Variants in ROBO1 observed in about 807,000 individuals in gnomAD.
The protein encoded by ROBO1 is roundabout homolog 1.
In ROBO1, 149 loss-of-function variants were observed where a neutral mutation model predicts 195.9. The ratio of observed to expected loss-of-function variants is 0.76; its 90% CI spans 0.67 to 0.87. ROBO1 has a LOEUF of 0.87. ROBO1 is among the 40% of genes least tolerant of loss of function. ROBO1 has a pLI of 0.00. For synonymous variants in ROBO1, 816 were observed against 733.2 expected (o/e 1.11, Z -1.82); for missense variants, 1,933 against 2,068.3 (o/e 0.93, Z 1.27).
chr3:78,782,194 CT>C (rs113180244), intron 4 of ROBO1, among the ~76,000 whole-genome samples: 18 of 149,390 alleles, frequency 1.2e-4, no homozygotes, highest in East Asian at 3.9e-4. Flanking sequence ...AGTTGAAATT[CT>C]TTTTTTTTTC....
In ROBO1 at chr3:79,003,744, C is replaced by T. The variant is rs1049633138; in HGVS notation, c.173-64817G>A. On this transcript the variant is annotated intron_variant, in intron 3 of 30. Transcript: ENST00000464233. The stretch of plus-strand genomic sequence containing the variant: ...GATTTCAAACCTAGGTATTTTAACC[C>T]GGAAGCCTTATAACCTATGCTCTAC... 3.3e-5 allele frequency among the ~76,000 whole-genome samples: 5 copies of T among 152,170 alleles called. No homozygotes were observed. The East Asian group carries it at 5.8e-4, about 18-fold the overall frequency.
Position 79,089,940 on chromosome 3 carries a change from T to TTTC in ROBO1, c.172+35515_172+35516insGAA, listed in dbSNP as rs1553680599. ...ATATATATCATCCAGTTATTCTTTC[T>TTTC]TTTTTTTTTTTTTTTTTAAGACGGA... On this transcript the variant is annotated intron_variant, in intron 3 of 30. Transcript: ENST00000464233. Among the ~76,000 whole-genome samples the TTTC allele has an allele frequency of 7.7e-3, 22 of 2,854 alleles. 1 individual carries two copies. Among genetic ancestry groups the TTTC allele is most frequent in the African/African-American group, 0.022 (21 of 954 alleles). 1.9% of individuals were successfully genotyped at this position (2,854 alleles called of 152,430 possible).
At chr3:78,839,572 T>C (rs2033029329) in intron 4 of ROBO1, among the ~76,000 whole-genome samples, 1 of 152,064 alleles carries the variant, frequency 6.6e-6, no homozygotes, top group Non-Finnish European at 1.5e-5. Context: ...CATTAAATAA[T>C]TTTCTAAAAC....
At chr3:79,661,157 A>G (rs1413562761) in intron 1 of ROBO1, among the ~76,000 whole-genome samples, 1 of 152,064 alleles carries the variant, frequency 6.6e-6, no homozygotes. Context: ...CTGTCAGCAG[A>G]CAGCTTTCAG....
chr3:79,350,762 A>G (rs375724573), intron 2 of ROBO1, among the ~76,000 whole-genome samples: 6 of 152,172 alleles, frequency 3.9e-5, no homozygotes, highest in Non-Finnish European at 5.9e-5. Context: ...AAAGTAGATT[A>G]GTGTATTTTT....
chr3:79,080,463 C>A (rs1052759851), intron 3 of ROBO1, among the ~76,000 whole-genome samples: 13 of 151,874 alleles, frequency 8.6e-5, no homozygotes, highest in Admixed American at 7.2e-4. Context: ...ACATTAGATT[C>A]TTTCAATTAA....
intron 2 of ROBO1, among the ~76,000 whole-genome samples, chr3:79,516,621 T>C (rs76303804): frequency 0.025 from 3,767 of 152,294 alleles, 151 homozygotes; most frequent in African/African-American, 0.086. Flanking sequence ...TAGTATATTA[T>C]ACATATTATT....
chr3:78,739,871 T>C (rs901939788), intron 5 of ROBO1, among the ~76,000 whole-genome samples: 1 of 152,140 alleles, frequency 6.6e-6, no homozygotes, highest in Non-Finnish European at 1.5e-5. Flanking sequence ...TAAGAGATAC[T>C]GTCATCCTGA....
In ROBO1 at chr3:79,536,663, CAA is replaced by C. The variant is rs542875131; in HGVS notation, c.88+53159_88+53160del. 4.6e-4 allele frequency among the ~76,000 whole-genome samples: 66 copies of C among 143,406 alleles called. 1 individual carries two copies. The highest frequency in any genetic ancestry group is 3.6e-3 in the Admixed American group (54 of 14,886). 94.1% of individuals were successfully genotyped at this position (143,406 alleles called of 152,430 possible). The stretch of plus-strand genomic sequence containing the variant: ...ATCTATATTAGTGATATTCATGAAA[CAA>C]TATCAATAATCAACAAATTTGATAT... On this transcript the variant is annotated intron_variant, in intron 2 of 30. Transcript: ENST00000464233.
chr3:78,652,613 A>G (rs974903653), intron 18 of ROBO1, among the ~76,000 whole-genome samples: 2 of 152,218 alleles, frequency 1.3e-5, no homozygotes, highest in African/African-American at 4.8e-5. Context: ...TACCATTGAA[A>G]GAGCCATGAA....
chr3:78,797,980 C>T (rs1002753388), intron 4 of ROBO1, among the ~76,000 whole-genome samples: 18 of 152,060 alleles, frequency 1.2e-4, no homozygotes, highest in Admixed American at 1.0e-3. Context: ...CTTTTTCCCT[C>T]CATAAAGGTA....
At chr3:78,685,271 T>C (rs934108841) in intron 10 of ROBO1, among the ~76,000 whole-genome samples, 4 of 152,162 alleles carry the variant, frequency 2.6e-5, no homozygotes, top group Non-Finnish European at 5.9e-5. Flanking sequence ...GTCCTTACAA[T>C]AGGTTTGGCA....
chr3:79,588,438 T>G (rs1943897476), intron 2 of ROBO1, among the ~76,000 whole-genome samples: 1 of 151,666 alleles, frequency 6.6e-6, no homozygotes, highest in African/African-American at 2.4e-5. Context: ...ATGGACTAAA[T>G]TTGTTGACCT....
chr3:79,323,022 T>C (rs2034051642), intron 2 of ROBO1, among the ~76,000 whole-genome samples: 3 of 152,060 alleles, frequency 2.0e-5, no homozygotes, highest in Non-Finnish European at 4.4e-5. Flanking sequence ...CATTTTGTTA[T>C]GTTTTTAATA....
chr3:79,266,160 A>C (rs532836863), intron 2 of ROBO1, among the ~76,000 whole-genome samples: 22 of 151,688 alleles, frequency 1.5e-4, no homozygotes, highest in African/African-American at 5.1e-4. Flanking sequence ...ATTCCCACAC[A>C]CATCTGCTTT....
chr3:78,754,068 C>T (rs900686789), intron 4 of ROBO1, among the ~76,000 whole-genome samples: 4 of 152,094 alleles, frequency 2.6e-5, no homozygotes, highest in Non-Finnish European at 5.9e-5. Context: ...TTAACAGGTA[C>T]GTTCACAATG....
chr3:79,192,451 G>A (rs1049179345), intron 2 of ROBO1, among the ~76,000 whole-genome samples: 1 of 151,648 alleles, frequency 6.6e-6, no homozygotes, highest in Admixed American at 6.6e-5. Context: ...GAAAATTAGG[G>A]GTAATTTAGA....
rs895453862 is a variant in ROBO1 at position 78,951,510 on chromosome 3, G to A, written c.173-12583C>T. ...TAAACCTAATAGTTACAAAGAAGAG[G>A]GGGTTAAAAAAAACAACAACACCAC... On this transcript the variant is annotated intron_variant, in intron 3 of 30. Coordinates refer to ENST00000464233, the MANE Select transcript of ROBO1 (RefSeq NM_002941.4). Among the ~76,000 whole-genome samples the A allele has an allele frequency of 3.9e-5, 6 of 151,944 alleles. No individual in the cohort carries two copies. The South Asian group carries it at 1.2e-3, about 32-fold the overall frequency.
At chr3:78,914,387 C>T (rs751870922) in intron 4 of ROBO1, among the ~76,000 whole-genome samples, 4 of 151,958 alleles carry the variant, frequency 2.6e-5, no homozygotes, top group Non-Finnish European at 5.9e-5. Context: ...ATTTTTCAAA[C>T]CCTAGTTTAT....
Sources: allele counts gnomAD v4.1 joint callset (sites outside exome capture counted in the v4.1 genomes callset), GRCh38; gene constraint gnomAD v4.1.1; transcripts MANE v1.5; gene names NCBI Gene and HGNC (gene_info 2026-07-23, HGNC 2026-07-21).